Variants in UNC5C observed in about 807,000 individuals in gnomAD.
The protein encoded by UNC5C is unc-5 netrin receptor C.
In UNC5C, 47 loss-of-function variants were observed where a neutral mutation model predicts 99.8. That is an observed-to-expected ratio of 0.47 (90% CI 0.37 to 0.60). The LOEUF is 0.60. Among genes scored for constraint, UNC5C ranks in the 20% least tolerant of loss-of-function variants. The pLI, the probability that UNC5C is intolerant of heterozygous loss-of-function variation, is 0.00. For synonymous variants in UNC5C, 487 were observed against 452.2 expected (o/e 1.08, Z -0.98); for missense variants, 1,062 against 1,165.9 (o/e 0.91, Z 1.30).
intron 7 of UNC5C, among the ~76,000 whole-genome samples, chr4:95,221,475 A>G (rs527263438): frequency 1.1e-4 from 16 of 152,344 alleles, no homozygotes; most frequent in African/African-American, 3.8e-4. Flanking sequence ...CCAGTGGCTC[A>G]TGAGACAACC....
chr4:95,206,919 T>TC (rs1737900342), intron 10 of UNC5C, 123 bp from the exon 11 acceptor site: 5 of 855,250 alleles, frequency 5.8e-6, no homozygotes, highest in Middle Eastern at 3.3e-4. Context: ...TTTTTTTTTT[T>TC]CTGGGGGGTT....
intron 1 of UNC5C, among the ~76,000 whole-genome samples, chr4:95,422,841 A>T (rs779347446): frequency 8.5e-5 from 13 of 152,200 alleles, no homozygotes; most frequent in Non-Finnish European, 1.8e-4. Flanking sequence ...ATGTGTGGTT[A>T]TATGTGTTTC....
At chr4:95,226,867 A>G (rs974783325) in intron 7 of UNC5C, among the ~76,000 whole-genome samples, 1 of 151,854 alleles carries the variant, frequency 6.6e-6, no homozygotes, top group South Asian at 2.1e-4. Flanking sequence ...GTTTTTTGGC[A>G]TTTGGTGAGT....
At chr4:95,392,986 T>C (rs1745405961) in intron 1 of UNC5C, among the ~76,000 whole-genome samples, 1 of 152,160 alleles carries the variant, frequency 6.6e-6, no homozygotes, top group Admixed American at 6.5e-5. Context: ...CCCAGGGAAA[T>C]TCCTTCAGAT....
intron 1 of UNC5C, among the ~76,000 whole-genome samples, chr4:95,444,577 C>T (rs1747041613): frequency 6.6e-6 from 1 of 152,116 alleles, no homozygotes; most frequent in African/African-American, 2.4e-5. Flanking sequence ...GTGATCCGCC[C>T]GCCTCAACCT....
chr4:95,315,430 GA>G (rs1032108163), intron 2 of UNC5C, among the ~76,000 whole-genome samples: 6 of 151,722 alleles, frequency 4.0e-5, no homozygotes, highest in African/African-American at 1.4e-4. Context: ...GCATTACAAA[GA>G]AAAAAAAGAA....
chr4:95,376,321 G>A (rs771124085), intron 1 of UNC5C, among the ~76,000 whole-genome samples: 15 of 151,876 alleles, frequency 9.9e-5, no homozygotes, highest in South Asian at 4.2e-4. Flanking sequence ...GAACTATACA[G>A]TAATCCAGTT....
chr4:95,258,475 A>G (rs2149385395), intron 4 of UNC5C, among the ~76,000 whole-genome samples: 1 of 152,326 alleles, frequency 6.6e-6, no homozygotes, highest in Admixed American at 6.5e-5. Context: ...GAAAACAATA[A>G]AAGACTTCAA....
At chr4:95,308,771 AAAAAAAAAAAAAG>A in intron 2 of UNC5C, among the ~76,000 whole-genome samples, 1 of 150,062 alleles carries the variant, frequency 6.7e-6, no homozygotes, top group East Asian at 1.9e-4. Context: ...AAAAAAAAAA[AAAAAAAAAAAAAG>A]AACAAGAAAA....
At chr4:95,546,990 G>A (rs1723086845) in intron 1 of UNC5C, among the ~76,000 whole-genome samples, 1 of 151,504 alleles carries the variant, frequency 6.6e-6, no homozygotes, top group Non-Finnish European at 1.5e-5. Flanking sequence ...AACAGCAGGC[G>A]AATTCCACAG....
At chr4:95,453,986 T>G (rs906256764) in intron 1 of UNC5C, among the ~76,000 whole-genome samples, 8 of 152,062 alleles carry the variant, frequency 5.3e-5, no homozygotes, top group African/African-American at 1.9e-4. Flanking sequence ...AGCACATTGG[T>G]GGTTGCCAGA....
chr4:95,511,606 A>T (rs1722071893), intron 1 of UNC5C, among the ~76,000 whole-genome samples: 1 of 152,140 alleles, frequency 6.6e-6, no homozygotes, highest in South Asian at 2.1e-4. Context: ...CCTTCAGCAG[A>T]TACTTGCATA....
At chr4:95,493,754 T>C (rs1721563833) in intron 1 of UNC5C, among the ~76,000 whole-genome samples, 1 of 151,432 alleles carries the variant, frequency 6.6e-6, no homozygotes, top group Non-Finnish European at 1.5e-5. Context: ...AAGCTGGCTG[T>C]ATATTCCTGC....
intron 1 of UNC5C, among the ~76,000 whole-genome samples, chr4:95,369,378 C>A (rs1579363528): frequency 6.6e-6 from 1 of 151,688 alleles, no homozygotes; most frequent in Middle Eastern, 3.4e-3. Flanking sequence ...TAATGAAACC[C>A]CAACTCTACA....
intron 9 of UNC5C, among the ~76,000 whole-genome samples, 170 bp downstream of exon 9, chr4:95,218,799 T>C (rs1288755623): frequency 6.6e-6 from 1 of 152,196 alleles, no homozygotes; most frequent in African/African-American, 2.4e-5. Flanking sequence ...GAAATGGTTT[T>C]GCTGATTTGT....
chr4:95,312,815 G>A (rs140287754), intron 2 of UNC5C, among the ~76,000 whole-genome samples: 14 of 152,220 alleles, frequency 9.2e-5, no homozygotes, highest in African/African-American at 2.9e-4. Flanking sequence ...CTGTAGTAAA[G>A]AAGTCTGTTT....
intron 6 of UNC5C, among the ~76,000 whole-genome samples, chr4:95,244,646 T>C (rs576584528): frequency 6.6e-6 from 1 of 152,348 alleles, no homozygotes; most frequent in Non-Finnish European, 1.5e-5. Flanking sequence ...TTGTTATTCC[T>C]AAAATGTGTG....
intron 1 of UNC5C, among the ~76,000 whole-genome samples, chr4:95,545,407 T>G (rs779953620): frequency 2.0e-5 from 3 of 152,218 alleles, no homozygotes; most frequent in African/African-American, 7.2e-5. Flanking sequence ...TTCATAAACT[T>G]TCTGTACTCC....
At chr4:95,488,386 C>T (rs1244687876) in intron 1 of UNC5C, among the ~76,000 whole-genome samples, 1 of 151,710 alleles carries the variant, frequency 6.6e-6, no homozygotes, top group Non-Finnish European at 1.5e-5. Context: ...CACTTTATAT[C>T]CTCCTTGACA....
Sources: gnomAD v4.1 joint callset for allele counts (sites outside exome capture counted in the v4.1 genomes callset) on GRCh38, gnomAD v4.1.1 for gene constraint, MANE v1.5 for transcripts, NCBI Gene and HGNC (gene_info 2026-07-23, HGNC 2026-07-21) for gene names.